MYO5A: variants seen among roughly 807,000 people sequenced by gnomAD.
MYO5A encodes unconventional myosin-Va.
MYO5A carries 98 observed loss-of-function variants against 249.7 expected under a neutral mutation model. The ratio of observed to expected loss-of-function variants is 0.39; its 90% CI spans 0.33 to 0.46. The LOEUF is 0.46. Ranked by LOEUF, MYO5A falls within the 20% of genes least tolerant of loss-of-function variation. The pLI is 0.98. For synonymous variants in MYO5A, 778 were observed against 810.6 expected (o/e 0.96, Z 0.68); for missense variants, 1,696 against 2,308.8 (o/e 0.73, Z 5.44).
At chr15:52,460,224 T>C (rs1215939533) in intron 1 of MYO5A, among the ~76,000 whole-genome samples, 2 of 151,884 alleles carry the variant, frequency 1.3e-5, no homozygotes. Context: ...GCCGAGACGC[T>C]CCTCACTTCC....
At chr15:52,508,417 C>CA (rs1231275850) in intron 1 of MYO5A, among the ~76,000 whole-genome samples, 1 of 150,066 alleles carries the variant, frequency 6.7e-6, no homozygotes, top group Non-Finnish European at 1.5e-5. Flanking sequence ...CCTGACAAAA[C>CA]AAACCACCAA....
intron 1 of MYO5A, among the ~76,000 whole-genome samples, chr15:52,489,593 T>C (rs1451424311): frequency 6.7e-6 from 1 of 148,228 alleles, no homozygotes; most frequent in Non-Finnish European, 1.5e-5. Flanking sequence ...CCTCTGTGCA[T>C]CAAAGGGCAC....
At chr15:52,512,519 A>AAT (rs57285826) in intron 1 of MYO5A, among the ~76,000 whole-genome samples, 15 of 150,798 alleles carry the variant, frequency 9.9e-5, no homozygotes, top group South Asian at 2.1e-4. Flanking sequence ...TTCGCTAAAA[A>AAT]ATATATATAT....
At chr15:52,444,123 AT>A (rs977703855) in intron 1 of MYO5A, among the ~76,000 whole-genome samples, 2 of 152,174 alleles carry the variant, frequency 1.3e-5, no homozygotes. Context: ...AAATATTCTT[AT>A]TTTTCTAAAA....
chr15:52,341,741 G>GAAAA (rs5812599), intron 31 of MYO5A, among the ~76,000 whole-genome samples: 1 of 152,100 alleles, frequency 6.6e-6, no homozygotes, highest in African/African-American at 2.4e-5. Context: ...TTAATGATGA[G>GAAAA]AACAAAGCAG....
intron 38 of MYO5A, 36 bp from the exon 39 acceptor site, chr15:52,319,378 T>A: frequency 6.2e-7 from 1 of 1,603,244 alleles, no homozygotes; most frequent in East Asian, 2.2e-5. Context: ...GGAGATGATG[T>A]GGAAGGGAAC....
chr15:52,493,591 G>A (rs954687130), intron 1 of MYO5A, among the ~76,000 whole-genome samples: 6 of 152,138 alleles, frequency 3.9e-5, no homozygotes, highest in Admixed American at 2.6e-4. Context: ...GAAGCCGGGA[G>A]GCAGAGGTTG....
At chr15:52,375,560 A>AATACAATGGAG in intron 19 of MYO5A, 100 bp from the exon 20 acceptor site, 1 of 1,207,208 alleles carries the variant, frequency 8.3e-7, no homozygotes, top group Non-Finnish European at 1.2e-6. Flanking sequence ...AGGCATAAAT[A>AATACAATGGAG]GTACCTCCAT....
intron 23 of MYO5A, 25 bp downstream of exon 23, chr15:52,367,006 C>T (rs372165692): frequency 6.3e-6 from 10 of 1,579,028 alleles, no homozygotes; most frequent in South Asian, 4.4e-5. Flanking sequence ...GGTTGGTTGG[C>T]GTGTAGTACG....
At chr15:52,324,002 C>CAAAAAAAAAAAAAAAAAAA (rs56227811) in intron 36 of MYO5A, 4 of 40,184 alleles carry the variant, frequency 1.0e-4, no homozygotes, top group Non-Finnish European at 1.3e-4. Context: ...GACTCTGTCT[C>CAAAAAAAAAAAAAAAAAAA]AAAAAAAAAA....
At chr15:52,355,662 A>G (rs1245018096) in intron 25 of MYO5A, among the ~76,000 whole-genome samples, 2 of 152,154 alleles carry the variant, frequency 1.3e-5, no homozygotes, top group East Asian at 1.9e-4. Context: ...TTAATTATAT[A>G]TTGTCTTAGG....
intron 1 of MYO5A, among the ~76,000 whole-genome samples, chr15:52,449,069 A>C (rs1745371803): frequency 7.0e-6 from 1 of 143,186 alleles, no homozygotes; most frequent in African/African-American, 2.6e-5. Flanking sequence ...CCCGGGTTCA[A>C]GCGATTTTCC....
chr15:52,490,817 G>A (rs2076920515), intron 1 of MYO5A, among the ~76,000 whole-genome samples: 1 of 152,074 alleles, frequency 6.6e-6, no homozygotes, highest in Admixed American at 6.6e-5. Context: ...AAACTCCTGG[G>A]CTCAAGCAAT....
chr15:52,465,002 A>G (rs1477914875), intron 1 of MYO5A, among the ~76,000 whole-genome samples: 4 of 152,220 alleles, frequency 2.6e-5, no homozygotes, highest in African/African-American at 9.6e-5. Context: ...CCACACTGGG[A>G]GTCAGCTTTA....
chr15:52,356,710 T>C (rs2040235066), intron 25 of MYO5A, among the ~76,000 whole-genome samples: 2 of 148,106 alleles, frequency 1.4e-5, no homozygotes, highest in South Asian at 2.1e-4. Context: ...TCAACAGTAG[T>C]AACCGTTATA....
At chr15:52,357,459 A>G (rs563598653) in intron 25 of MYO5A, among the ~76,000 whole-genome samples, 4 of 151,590 alleles carry the variant, frequency 2.6e-5, no homozygotes, top group African/African-American at 9.7e-5. Flanking sequence ...TAGCAAAAAA[A>G]AAAAAAAAAG....
At chr15:52,342,333 T>G (rs1378790032) in intron 31 of MYO5A, among the ~76,000 whole-genome samples, 2 of 152,128 alleles carry the variant, frequency 1.3e-5, no homozygotes, top group Non-Finnish European at 2.9e-5. Context: ...CACTCAAGCC[T>G]GGGTGACAGA....
At chr15:52,335,905 C>T (rs75172381) in intron 34 of MYO5A, among the ~76,000 whole-genome samples, 1,656 of 152,238 alleles carry the variant, frequency 0.011, 23 homozygotes, top group African/African-American at 0.038. Context: ...TTTTACTATG[C>T]GTCAGTAACT....
intron 1 of MYO5A, among the ~76,000 whole-genome samples, chr15:52,491,668 C>T (rs2076938362): frequency 6.6e-6 from 1 of 152,200 alleles, no homozygotes; most frequent in Non-Finnish European, 1.5e-5. Flanking sequence ...GTTTAATCCC[C>T]TTTTATCCAA....
Sources: allele counts gnomAD v4.1 joint callset (sites outside exome capture counted in the v4.1 genomes callset), GRCh38; gene constraint gnomAD v4.1.1; transcripts MANE v1.5; gene names NCBI Gene and HGNC (gene_info 2026-07-23, HGNC 2026-07-21).